Variants in JAKMIP2 observed in about 807,000 individuals in gnomAD.
JAKMIP2 encodes the protein janus kinase and microtubule-interacting protein 2.
Under a neutral mutation model 115.0 loss-of-function variants are expected in JAKMIP2, and 25 were observed. The ratio of observed to expected loss-of-function variants is 0.22; its 90% CI spans 0.16 to 0.30. The LOEUF (loss-of-function observed/expected upper bound fraction) is 0.30. Among genes scored for constraint, JAKMIP2 ranks in the 10% least tolerant of loss-of-function variants. JAKMIP2 has a pLI of 1.00. For missense variants in JAKMIP2, 642 were observed against 957.6 expected (o/e 0.67, Z 4.35); for synonymous variants, 334 against 343.6 (o/e 0.97, Z 0.31).
rs1428380273 is a variant in JAKMIP2, at chr5:147,637,059, C to A, written c.1531-11G>T. ...GAGCTGTTCTTGAGCCTGGTGAAAC[C>A]AAAATTCCAGAACTCAGCAAGTAAA... On this transcript the variant is annotated splice_polypyrimidine_tract_variant and intron_variant, in intron 10 of 21. Transcript: ENST00000616793. 1 of 872,300 alleles carries A rather than the reference C, an allele frequency of 1.1e-6. No individual in the cohort carries two copies. Among genetic ancestry groups the A allele is most frequent in the East Asian group, 2.4e-5 (1 of 41,682 alleles). The allele number at this position is 872,300 out of a possible 1,614,324, so 54.0% of individuals were successfully genotyped here. A position where few individuals can be genotyped will look rare whatever the true frequency, so the allele number is the denominator to read the frequency against.
intron 1 of JAKMIP2, among the ~76,000 whole-genome samples, chr5:147,707,445 G>A (rs549939106): frequency 6.6e-6 from 1 of 152,106 alleles, no homozygotes; most frequent in Non-Finnish European, 1.5e-5. Context: ...TCACTATGGG[G>A]AAAAATCCAT....
chr5:147,744,473 T>A (rs1352669231), intron 1 of JAKMIP2, among the ~76,000 whole-genome samples: 1 of 152,156 alleles, frequency 6.6e-6, no homozygotes, highest in Non-Finnish European at 1.5e-5. Context: ...CCAGTTGCAT[T>A]AAAGATGAAT....
rs1427301754 is a variant in JAKMIP2, at chr5:147,705,976, C to A, written c.-148-34022G>T. On this transcript the variant is annotated intron_variant, in intron 1 of 21. Transcript: ENST00000616793. ...ATTTAACAATTGAAAATGTAAGTAG[C>A]CTTTGATTTAGACACTCTGCTAGGA... Among the ~76,000 whole-genome samples the A allele has an allele frequency of 5.3e-5, 8 of 152,138 alleles. No individual in the cohort carries two copies. In the South Asian group the frequency reaches 6.2e-4, roughly 12 times the overall value.
rs1754708991 is a variant in JAKMIP2 at position 147,755,386 on chromosome 5, AACT to A, written c.-149+27067_-149+27069del. On this transcript the variant is annotated intron_variant, in intron 1 of 21. Transcript: ENST00000616793. ...AATGAATAAAACCAAGCCGTACCCC[AACT>A]ACTTTGGGCGCACTTCATCAGGACC... Among the ~76,000 whole-genome samples, 4 of 152,262 alleles carry A rather than the reference AACT, an allele frequency of 2.6e-5. No homozygotes were observed. The South Asian group carries it at 8.3e-4, about 32-fold the overall frequency.
chr5:147,770,376 T>C (rs146494554), intron 1 of JAKMIP2, among the ~76,000 whole-genome samples: 51 of 152,222 alleles, frequency 3.4e-4, no homozygotes, highest in African/African-American at 1.2e-3. Flanking sequence ...CAATTTCTGG[T>C]GAGCCATAGC....
intron 3 of JAKMIP2, among the ~76,000 whole-genome samples, chr5:147,651,833 GT>G (rs773655659): frequency 1.1e-4 from 16 of 152,156 alleles, no homozygotes; most frequent in Non-Finnish European, 1.9e-4. Context: ...TAATAGCATT[GT>G]CTTTGGTTTC....
At position 147,638,289 on chromosome 5, in the gene JAKMIP2, C is replaced by A. The variant is rs545484688; in HGVS notation, c.1531-1241G>T. 3.9e-5 allele frequency among the ~76,000 whole-genome samples: 6 copies of A among 151,938 alleles called. No homozygotes were observed. In the South Asian group the frequency reaches 8.4e-4, roughly 21 times the overall value. On this transcript the variant is annotated intron_variant, in intron 10 of 21. Coordinates refer to ENST00000616793, the MANE Select transcript of JAKMIP2 (RefSeq NM_001270941.2). ...TTAATGGTCAGAGAGAACGCTAAAC[C>A]TTTATTTAGGTAGAAGAATTAAATG...
At chr5:147,776,153 A>G (rs1231159587) in intron 1 of JAKMIP2, among the ~76,000 whole-genome samples, 1 of 152,192 alleles carries the variant, frequency 6.6e-6, no homozygotes, top group African/African-American at 2.4e-5. Context: ...GAAATAATGA[A>G]TATAGTGAAA....
chr5:147,779,308 T>G (rs918629349), intron 1 of JAKMIP2, among the ~76,000 whole-genome samples: 6 of 152,128 alleles, frequency 3.9e-5, no homozygotes, highest in Non-Finnish European at 7.4e-5. Flanking sequence ...AATATTTAAC[T>G]TTAATATTCT....
chr5:147,585,636 A>G lies in JAKMIP2; in HGVS notation c.*6071T>C, dbSNP rs1193876099. 6.6e-6 allele frequency: 1 copy of G among 152,196 alleles called. No homozygotes were observed. The highest frequency in any genetic ancestry group is 1.5e-5 in the Non-Finnish European group (1 of 68,024). The allele number at this position is 152,196 out of a possible 1,614,324, so 9.4% of individuals were successfully genotyped here. A position where few individuals can be genotyped will look rare whatever the true frequency, so the allele number is the denominator to read the frequency against. On this transcript the variant is annotated 3_prime_UTR_variant, in exon 22 of 22. Transcript: ENST00000616793. ...TCAGAGGATCATTCTGGTGAAACTC[A>G]GTCAATTTTTATTTTTCTTTCATTA...
At chr5:147,652,798 G>A (rs1027283065) in intron 3 of JAKMIP2, among the ~76,000 whole-genome samples, 1 of 151,942 alleles carries the variant, frequency 6.6e-6, no homozygotes, top group African/African-American at 2.4e-5. Flanking sequence ...CCTATCAACC[G>A]GTCCTCTAGG....
intron 1 of JAKMIP2, among the ~76,000 whole-genome samples, chr5:147,673,046 T>C (rs115234517): frequency 3.9e-4 from 59 of 152,136 alleles, no homozygotes; most frequent in African/African-American, 1.3e-3. Flanking sequence ...AGTACTTTGG[T>C]GTGGTTATTC....
At chr5:147,694,509 G>C (rs969268546) in intron 1 of JAKMIP2, among the ~76,000 whole-genome samples, 3 of 152,168 alleles carry the variant, frequency 2.0e-5, no homozygotes, top group Non-Finnish European at 2.9e-5. Flanking sequence ...TCCTATAATT[G>C]TCTAGTGAAA....
Position 147,591,595 on chromosome 5 carries a change from G to T in JAKMIP2, c.*112C>A. The T allele has an allele frequency of 8.7e-7, 1 of 1,154,160 alleles. No individual in the cohort carries two copies. Among genetic ancestry groups the T allele is most frequent in the South Asian group, 1.3e-5 (1 of 76,642 alleles). The allele number at this position is 1,154,160 out of a possible 1,614,324, so 71.5% of individuals were successfully genotyped here. On this transcript the variant is annotated 3_prime_UTR_variant, in exon 22 of 22. Transcript: ENST00000616793. ...GGCTACAGGGTAGTTCTTAGCTTTT[G>T]ATCTCCCTCTCACTGGTGTAAACAA... is the stretch of plus-strand genomic sequence containing the variant.
chr5:147,680,387 G>A (rs1415328153), intron 1 of JAKMIP2, among the ~76,000 whole-genome samples: 1 of 152,144 alleles, frequency 6.6e-6, no homozygotes, highest in Non-Finnish European at 1.5e-5. Flanking sequence ...CTTTGTAGCT[G>A]GTTCTGCCCC....
chr5:147,742,212 G>T (rs528815725), intron 1 of JAKMIP2, among the ~76,000 whole-genome samples: 8 of 143,252 alleles, frequency 5.6e-5, no homozygotes, highest in Admixed American at 5.1e-4. Context: ...CTTTGGCTGG[G>T]TTGCAATATG....
At chr5:147,770,697 G>A (rs1377551261) in intron 1 of JAKMIP2, among the ~76,000 whole-genome samples, 1 of 151,896 alleles carries the variant, frequency 6.6e-6, no homozygotes, top group Admixed American at 6.6e-5. Context: ...CTCTGGATCT[G>A]GAGGAAAAGA....
intron 1 of JAKMIP2, among the ~76,000 whole-genome samples, chr5:147,768,137 C>A (rs1431684311): frequency 6.6e-6 from 1 of 151,994 alleles, no homozygotes; most frequent in Non-Finnish European, 1.5e-5. Context: ...ATTCATGTGC[C>A]TTGATTGATG....
intron 1 of JAKMIP2, among the ~76,000 whole-genome samples, chr5:147,711,152 A>G (rs1209504972): frequency 3.9e-5 from 6 of 152,188 alleles, no homozygotes; most frequent in Non-Finnish European, 7.3e-5. Context: ...GCAAAAGCAA[A>G]TATGACCATT....
Sources: allele counts gnomAD v4.1 joint callset (sites outside exome capture counted in the v4.1 genomes callset), GRCh38; gene constraint gnomAD v4.1.1; transcripts MANE v1.5; gene names NCBI Gene and HGNC (gene_info 2026-07-23, HGNC 2026-07-21).